LCLAT1: variants seen among roughly 807,000 people sequenced by gnomAD.
LCLAT1 encodes lysocardiolipin acyltransferase 1.
Under a neutral mutation model 30.7 loss-of-function variants are expected in LCLAT1, and 11 were observed. That is an observed-to-expected ratio of 0.36 (90% CI 0.23 to 0.59). The LOEUF is 0.59. LCLAT1 is among the 20% of genes least tolerant of loss of function. The pLI is 0.77. For missense variants in LCLAT1, 402 were observed against 458.6 expected, an observed-to-expected ratio of 0.88 and a Z score of 1.13; for synonymous variants, 155 against 151.3, an observed-to-expected ratio of 1.02 and a Z score of -0.18.
At chr2:30,633,332 G>A (rs1668856595) in intron 5 of LCLAT1, among the ~76,000 whole-genome samples, 1 of 152,158 alleles carries the variant, frequency 6.6e-6, no homozygotes, top group Admixed American at 6.5e-5. Context: ...TTTAGATCTG[G>A]AAAATAGAAA....
At chr2:30,629,045 A>T (rs1325805421) in intron 5 of LCLAT1, among the ~76,000 whole-genome samples, 1 of 152,236 alleles carries the variant, frequency 6.6e-6, no homozygotes, top group Admixed American at 6.5e-5. Flanking sequence ...CAAACAACTT[A>T]TAGAAAATGG....
Position 30,589,795 on chromosome 2 carries a change from T to A in LCLAT1, c.628+21619T>A, listed in dbSNP as rs187188612. ...AGTATCCAATTATGAGTGGTGAACT[T>A]TTACCTACTAATCTTTTAGTTCGTT... On this transcript the variant is annotated intron_variant, in intron 5 of 5. Transcript: ENST00000379509. Among the ~76,000 whole-genome samples, 4 of 152,296 alleles carry A rather than the reference T, an allele frequency of 2.6e-5. No individual in the cohort carries two copies. In the East Asian group the frequency reaches 7.7e-4, roughly 29 times the overall value.
At chr2:30,568,785 G>A (rs1323979933) in intron 5 of LCLAT1, among the ~76,000 whole-genome samples, 1 of 144,960 alleles carries the variant, frequency 6.9e-6, no homozygotes, top group Non-Finnish European at 1.5e-5. Context: ...GGAATTACAG[G>A]CGTGAGCCAC....
At chr2:30,579,868 T>G (rs1666139451) in intron 5 of LCLAT1, among the ~76,000 whole-genome samples, 1 of 152,142 alleles carries the variant, frequency 6.6e-6, no homozygotes. Context: ...AGACAGTTTA[T>G]TATCTTCCTA....
At chr2:30,552,626 G>A in intron 3 of LCLAT1, 1 of 392,438 alleles carries the variant, frequency 2.5e-6, no homozygotes, top group South Asian at 1.8e-5. Flanking sequence ...AGAGGGATGT[G>A]GAGAGCATTA....
chr2:30,558,000 A>T, intron 3 of LCLAT1, among the ~76,000 whole-genome samples: 1 of 152,220 alleles, frequency 6.6e-6, no homozygotes, highest in East Asian at 1.9e-4. Flanking sequence ...AATTCACTTG[A>T]AATGTATCAA....
At chr2:30,512,697 T>C (rs113014311) in intron 1 of LCLAT1, among the ~76,000 whole-genome samples, 84 of 152,374 alleles carry the variant, frequency 5.5e-4, no homozygotes, top group African/African-American at 1.2e-3. Flanking sequence ...CCATCTATTA[T>C]ATTTTGCAAT....
intron 1 of LCLAT1, among the ~76,000 whole-genome samples, chr2:30,462,029 C>T (rs905530596): frequency 6.6e-6 from 1 of 152,024 alleles, no homozygotes; most frequent in African/African-American, 2.4e-5. Flanking sequence ...GCCTCGGCCT[C>T]CCAAAGTGCT....
chr2:30,539,191 C>T (rs1285876224), intron 3 of LCLAT1, among the ~76,000 whole-genome samples: 3 of 151,064 alleles, frequency 2.0e-5, no homozygotes, highest in South Asian at 2.1e-4. Flanking sequence ...CCTCGTGATC[C>T]GCCCGCCTCA....
At chr2:30,615,307 G>T (rs796072745) in intron 5 of LCLAT1, among the ~76,000 whole-genome samples, 1 of 152,058 alleles carries the variant, frequency 6.6e-6, no homozygotes, top group Admixed American at 6.6e-5. Flanking sequence ...AAAAAAGAAG[G>T]CAAAGTGTAT....
chr2:30,606,130 G>A (rs1572688946), intron 5 of LCLAT1: 2 of 854,270 alleles, frequency 2.3e-6, no homozygotes, highest in Non-Finnish European at 3.3e-6. Flanking sequence ...CTCATGGATT[G>A]GAAGAATCAA....
At chr2:30,616,921 G>C (rs1370209916) in intron 5 of LCLAT1, among the ~76,000 whole-genome samples, 19 of 151,882 alleles carry the variant, frequency 1.3e-4, no homozygotes, top group Non-Finnish European at 1.5e-5. Flanking sequence ...GGTTTGACAA[G>C]AATCCACGCA....
chr2:30,496,742 T>G (rs1226077269), intron 1 of LCLAT1, among the ~76,000 whole-genome samples: 1 of 152,192 alleles, frequency 6.6e-6, no homozygotes, highest in Admixed American at 6.5e-5. Context: ...TTATTAAAAA[T>G]GCTTATCTGA....
At chr2:30,568,852 AATC>A (rs1665637433) in intron 5 of LCLAT1, among the ~76,000 whole-genome samples, 1 of 129,300 alleles carries the variant, frequency 7.7e-6, no homozygotes, top group Admixed American at 8.6e-5. Flanking sequence ...TTTCTCTAGT[AATC>A]ATGAATAGCA....
chr2:30,635,884 C>T (rs141802667), intron 5 of LCLAT1, among the ~76,000 whole-genome samples: 1 of 152,276 alleles, frequency 6.6e-6, no homozygotes, highest in Non-Finnish European at 1.5e-5. Flanking sequence ...AAATATTGGT[C>T]AACTACTCAT....
At chr2:30,574,488 T>C (rs534113011) in intron 5 of LCLAT1, among the ~76,000 whole-genome samples, 2 of 152,294 alleles carry the variant, frequency 1.3e-5, no homozygotes, top group African/African-American at 2.4e-5. Flanking sequence ...TTATGGGAAA[T>C]ATAATGAACT....
chr2:30,599,683 C>G (rs1054900881), intron 5 of LCLAT1, among the ~76,000 whole-genome samples: 10 of 13,096 alleles, frequency 7.6e-4, no homozygotes, highest in Non-Finnish European at 1.5e-3. Context: ...TAAATTGAAC[C>G]CTTTATCATT....
At chr2:30,523,147 G>A (rs887133219) in intron 1 of LCLAT1, among the ~76,000 whole-genome samples, 6 of 151,752 alleles carry the variant, frequency 4.0e-5, no homozygotes, top group Admixed American at 6.6e-5. Context: ...AAAAAAAACA[G>A]TAGATAGAAA....
chr2:30,619,847 C>T (rs1038734758), intron 5 of LCLAT1, among the ~76,000 whole-genome samples: 1 of 152,134 alleles, frequency 6.6e-6, no homozygotes, highest in Non-Finnish European at 1.5e-5. Context: ...AGAATCATAT[C>T]TAGCAAGATT....
Sources: gnomAD v4.1 joint callset for allele counts (sites outside exome capture counted in the v4.1 genomes callset) on GRCh38, gnomAD v4.1.1 for gene constraint, MANE v1.5 for transcripts, NCBI Gene and HGNC (gene_info 2026-07-23, HGNC 2026-07-21) for gene names.